CPXM2: variants seen among roughly 807,000 people sequenced by gnomAD.
CPXM2 encodes inactive carboxypeptidase-like protein X2.
CPXM2 carries 66 observed loss-of-function variants against 86.1 expected under a neutral mutation model. The observed-to-expected ratio is 0.77, with a 90% CI of 0.63 to 0.94. CPXM2 has a LOEUF of 0.94. CPXM2 is among the 40% of genes least tolerant of loss of function. The pLI, the probability that CPXM2 is intolerant of heterozygous loss-of-function variation, is 0.00. For synonymous variants in CPXM2, 388 were observed against 400.2 expected (o/e 0.97, Z 0.36); for missense variants, 948 against 1,026.3 (o/e 0.92, Z 1.04).
intron 4 of CPXM2, among the ~76,000 whole-genome samples, chr10:123,830,470 A>G (rs1359138390): frequency 6.6e-6 from 1 of 152,240 alleles, no homozygotes; most frequent in Non-Finnish European, 1.5e-5. Flanking sequence ...AGTAGTCCCC[A>G]ACCTTCATTT....
At chr10:123,924,303 A>G (rs1404883647) in intron 2 of CPXM2, among the ~76,000 whole-genome samples, 2 of 152,308 alleles carry the variant, frequency 1.3e-5, no homozygotes, top group Admixed American at 6.5e-5. Flanking sequence ...GCGGGTCCCC[A>G]GGTTACCCAC....
Position 123,757,309 on chromosome 10 carries a change from C to T in CPXM2, c.1821G>A (p.Leu607=), listed in dbSNP as rs778230622. 1.9e-6 allele frequency: 3 copies of T among 1,613,860 alleles called. No homozygotes were observed. Among genetic ancestry groups the T allele is most frequent in the Non-Finnish European group, 2.5e-6 (3 of 1,179,728 alleles). The part of the protein sequence containing the change: ...FSYLHTNCFE[L]SIYVGCDKYP... ...ATTTATCACAGCCCACGTAGATGGA[C>T]AGTTCGAAGCAGTTTGTATGAAGGT... Residue 607 remains leucine, a synonymous_variant, in exon 12 of 14, where the codon CTG becomes CTA. Transcript: ENST00000241305.
At chr10:123,840,184 T>C (rs1459781997) in intron 4 of CPXM2, among the ~76,000 whole-genome samples, 4 of 152,222 alleles carry the variant, frequency 2.6e-5, no homozygotes, top group Non-Finnish European at 4.4e-5. Flanking sequence ...GTTTTAAGTT[T>C]CCATTTTTTC....
intron 4 of CPXM2, among the ~76,000 whole-genome samples, chr10:123,828,154 G>T (rs1848086046): frequency 6.6e-6 from 1 of 151,354 alleles, no homozygotes; most frequent in Non-Finnish European, 1.5e-5. Flanking sequence ...CTAGGTAACA[G>T]AGCAAGACCT....
chr10:123,825,295 G>A (rs1386767399), intron 4 of CPXM2, among the ~76,000 whole-genome samples: 1 of 152,134 alleles, frequency 6.6e-6, no homozygotes, highest in Non-Finnish European at 1.5e-5. Flanking sequence ...AAGTCATCTT[G>A]GGTCATGCAT....
chr10:123,920,062 A>G (rs553759257), intron 2 of CPXM2, among the ~76,000 whole-genome samples: 126 of 152,352 alleles, frequency 8.3e-4, no homozygotes, highest in Non-Finnish European at 3.1e-4. Flanking sequence ...CTTTTCCAAC[A>G]GCAGGGGATA....
chr10:123,909,341 C>T (rs1945469728), intron 2 of CPXM2, among the ~76,000 whole-genome samples: 1 of 152,202 alleles, frequency 6.6e-6, no homozygotes, highest in South Asian at 2.1e-4. Context: ...TTCTATAAAT[C>T]CCGATTGCAG....
chr10:123,810,164 C>T (rs1955340), intron 4 of CPXM2, among the ~76,000 whole-genome samples: 84,878 of 151,634 alleles, frequency 0.56, 25,589 homozygotes, highest in East Asian at 0.84. Context: ...ATTACATTAT[C>T]ATAAAAGATT....
At chr10:123,873,560 G>A (rs1944928249) in intron 2 of CPXM2, among the ~76,000 whole-genome samples, 2 of 152,272 alleles carry the variant, frequency 1.3e-5, no homozygotes, top group South Asian at 4.1e-4. Context: ...CACACAATGG[G>A]TCAAGAATAA....
intron 4 of CPXM2, among the ~76,000 whole-genome samples, chr10:123,841,155 A>G (rs866446281): frequency 1.3e-5 from 2 of 152,080 alleles, no homozygotes; most frequent in African/African-American, 4.8e-5. Flanking sequence ...GATTTCTTGT[A>G]TAAGTTCAGA....
At chr10:123,923,473 C>T (rs924975618) in intron 2 of CPXM2, among the ~76,000 whole-genome samples, 8 of 148,420 alleles carry the variant, frequency 5.4e-5, no homozygotes, top group South Asian at 2.2e-4. Flanking sequence ...CCCAGCTACT[C>T]GGGAGGCTGA....
intron 10 of CPXM2, 79 bp downstream of exon 10, chr10:123,766,894 T>C (rs1472856624): frequency 5.3e-6 from 6 of 1,133,596 alleles, no homozygotes; most frequent in Non-Finnish European, 6.6e-6. Context: ...CTTTCTTAAA[T>C]GTGCTATCCT....
chr10:123,812,851 A>G (rs1356689147), intron 4 of CPXM2, among the ~76,000 whole-genome samples: 3 of 152,124 alleles, frequency 2.0e-5, no homozygotes, highest in Admixed American at 6.5e-5. Flanking sequence ...CACCATCTGT[A>G]TAAAAACTCT....
At chr10:123,820,734 G>T (rs2134111610) in intron 4 of CPXM2, among the ~76,000 whole-genome samples, 1 of 152,238 alleles carries the variant, frequency 6.6e-6, no homozygotes, top group Admixed American at 6.5e-5. Context: ...CACATTCCCT[G>T]GCTGGTGGCC....
At chr10:123,782,409 G>C (rs904864486) in intron 6 of CPXM2, among the ~76,000 whole-genome samples, 1 of 152,170 alleles carries the variant, frequency 6.6e-6, no homozygotes, top group Non-Finnish European at 1.5e-5. Context: ...GAAAAACTGA[G>C]AGCCCTAAGT....
chr10:123,830,624 C>T (rs970765697), intron 4 of CPXM2, among the ~76,000 whole-genome samples: 25 of 152,270 alleles, frequency 1.6e-4, no homozygotes, highest in Admixed American at 3.3e-4. Flanking sequence ...AAGCTGGCCG[C>T]CTCCTCTTCC....
chr10:123,937,940 G>A (rs998790867), intron 2 of CPXM2, among the ~76,000 whole-genome samples: 1 of 152,162 alleles, frequency 6.6e-6, no homozygotes, highest in Admixed American at 6.5e-5. Flanking sequence ...CTAGAGCCTT[G>A]TGGGAAGCGT....
At chr10:123,887,369 G>A (rs1205230273) in intron 1 of CPXM2, among the ~76,000 whole-genome samples, 2 of 152,172 alleles carry the variant, frequency 1.3e-5, no homozygotes, top group East Asian at 3.9e-4. Flanking sequence ...AGATTCTACG[G>A]TTCCATATCC....
intron 2 of CPXM2, among the ~76,000 whole-genome samples, chr10:123,936,062 C>G (rs1248626426): frequency 9.8e-5 from 8 of 81,366 alleles, no homozygotes; most frequent in East Asian, 4.5e-4. Context: ...CCATCACCAT[C>G]ATCACCACTA....
Sources: allele counts gnomAD v4.1 joint callset (sites outside exome capture counted in the v4.1 genomes callset), GRCh38; gene constraint gnomAD v4.1.1; transcripts MANE v1.5; gene names NCBI Gene and HGNC (gene_info 2026-07-23, HGNC 2026-07-21).